Variants in SPOCK1 observed in about 807,000 individuals in gnomAD.
SPOCK1 encodes SPARC (osteonectin), cwcv and kazal like domains proteoglycan 1, also known as testican-1.
Under a neutral mutation model 55.3 loss-of-function variants are expected in SPOCK1, and 23 were observed. That is an observed-to-expected ratio of 0.42 (90% confidence interval 0.30 to 0.59). The LOEUF (loss-of-function observed/expected upper bound fraction) is 0.59. SPOCK1 is among the 20% of genes least tolerant of loss of function. The probability of loss-of-function intolerance (pLI) is 0.22; values close to 1 mark genes in which losing one functional copy is unlikely to be tolerated. For missense variants in SPOCK1, 499 were observed against 552.5 expected (o/e 0.90, Z 0.97); for synonymous variants, 226 against 221.0 (o/e 1.02, Z -0.20).
chr5:137,490,463 G>T (rs1196827405), intron 2 of SPOCK1, among the ~76,000 whole-genome samples: 1 of 152,182 alleles, frequency 6.6e-6, no homozygotes, highest in African/African-American at 2.4e-5. Flanking sequence ...TACAGAGCGT[G>T]CTGAGAACGC....
intron 2 of SPOCK1, among the ~76,000 whole-genome samples, chr5:137,340,653 G>T (rs1394150714): frequency 6.6e-6 from 1 of 152,158 alleles, no homozygotes; most frequent in Non-Finnish European, 1.5e-5. Context: ...GGCCGAGGTG[G>T]GTGGATCACT....
At chr5:137,479,261 T>C (rs1032140853) in intron 2 of SPOCK1, among the ~76,000 whole-genome samples, 2 of 152,166 alleles carry the variant, frequency 1.3e-5, no homozygotes, top group Admixed American at 6.5e-5. Context: ...TGAGAGAAGA[T>C]GCAGCATTAG....
intron 3 of SPOCK1, among the ~76,000 whole-genome samples, chr5:137,148,990 T>A (rs1262209103): frequency 6.6e-6 from 1 of 152,024 alleles, no homozygotes; most frequent in Non-Finnish European, 1.5e-5. Context: ...AAAGACTTCC[T>A]GTGAAAAAAA....
rs550618424 is a variant in SPOCK1 at position 137,324,068 on chromosome 5, C to A, written c.187-57013G>T. On this transcript the variant is annotated intron_variant, in intron 2 of 10. Transcript: ENST00000394945. ...ATCTATAAAAGCCAAGAGGTGGAAA[C>A]CACACAAGTGTTCATCTATGGATGA... Among the ~76,000 whole-genome samples the A allele has an allele frequency of 5.3e-5, 8 of 152,004 alleles. No individual in the cohort carries two copies. The East Asian group carries it at 1.6e-3, about 29-fold the overall frequency.
intron 6 of SPOCK1, among the ~76,000 whole-genome samples, chr5:137,059,642 T>C (rs185394119): frequency 2.7e-4 from 41 of 151,972 alleles, no homozygotes; most frequent in African/African-American, 9.4e-4. Flanking sequence ...CAAAAGAGAG[T>C]AAATAGACAT....
intron 6 of SPOCK1, among the ~76,000 whole-genome samples, chr5:137,005,922 A>G (rs1488447213): frequency 1.3e-5 from 2 of 152,212 alleles, no homozygotes; most frequent in African/African-American, 4.8e-5. Flanking sequence ...GGAAAAAGGG[A>G]CCGAGAACGG....
At chr5:137,022,266 G>C (rs1188201965) in intron 6 of SPOCK1, among the ~76,000 whole-genome samples, 1 of 152,096 alleles carries the variant, frequency 6.6e-6, no homozygotes, top group African/African-American at 2.4e-5. Context: ...CCACAAGTGG[G>C]TGTTCCAGCC....
chr5:137,417,074 C>T (rs1053679965), intron 2 of SPOCK1, among the ~76,000 whole-genome samples: 3 of 151,996 alleles, frequency 2.0e-5, no homozygotes, highest in Non-Finnish European at 4.4e-5. Context: ...TATATGTGTA[C>T]ATGAATGTTT....
intron 2 of SPOCK1, among the ~76,000 whole-genome samples, chr5:137,464,384 C>T (rs1163472157): frequency 3.3e-5 from 5 of 151,948 alleles, no homozygotes; most frequent in Admixed American, 1.3e-4. Flanking sequence ...ACATTGCATT[C>T]CTGTATTAAC....
chr5:137,013,448 A>T (rs1277800217), intron 6 of SPOCK1, among the ~76,000 whole-genome samples: 2 of 152,166 alleles, frequency 1.3e-5, no homozygotes, highest in Non-Finnish European at 2.9e-5. Context: ...GTTTATTTAA[A>T]TTTGCTTAAC....
chr5:137,007,198 A>T (rs1244979917), intron 6 of SPOCK1, among the ~76,000 whole-genome samples: 1 of 152,196 alleles, frequency 6.6e-6, no homozygotes, highest in Non-Finnish European at 1.5e-5. Context: ...CTAGAATAAA[A>T]CCTAGGCAAT....
intron 3 of SPOCK1, among the ~76,000 whole-genome samples, chr5:137,146,400 G>A (rs990768633): frequency 1.3e-5 from 2 of 152,162 alleles, no homozygotes; most frequent in Non-Finnish European, 2.9e-5. Context: ...GAGGCCACTC[G>A]ATTTGCAAAA....
rs147201621 is a variant in SPOCK1 at position 137,262,231 on chromosome 5, C to A, written c.232+4779G>T. 3.8e-4 allele frequency among the ~76,000 whole-genome samples: 58 copies of A among 152,314 alleles called. 1 individual carries two copies. The East Asian group carries it at 0.01, about 27-fold the overall frequency. Reference sequence around the variant, plus strand: ...TATCTTTCATTCCCCTCCAGACCCTCATCAAGTCATCTCACTTAAAGGCAA... The same window carrying A: ...TATCTTTCATTCCCCTCCAGACCCTAATCAAGTCATCTCACTTAAAGGCAA... On this transcript the variant is annotated intron_variant, in intron 3 of 10. Transcript: ENST00000394945.
At chr5:137,065,453 C>T (rs1580732523) in intron 6 of SPOCK1, among the ~76,000 whole-genome samples, 3 of 152,100 alleles carry the variant, frequency 2.0e-5, no homozygotes, top group African/African-American at 7.2e-5. Context: ...TGGAAAGAAT[C>T]GTACCAAGTT....
intron 2 of SPOCK1, among the ~76,000 whole-genome samples, chr5:137,325,507 AAACT>A (rs1758058872): frequency 1.3e-5 from 2 of 152,196 alleles, no homozygotes; most frequent in Admixed American, 1.3e-4. Context: ...TGCTTCCTAA[AAACT>A]AACAGCCCAG....
chr5:137,092,865 G>GCTT (rs1753075692), intron 5 of SPOCK1, among the ~76,000 whole-genome samples: 1 of 152,174 alleles, frequency 6.6e-6, no homozygotes, highest in Admixed American at 6.5e-5. Context: ...AGTCACGGAG[G>GCTT]CTGAGAAGTC....
chr5:137,153,156 C>A (rs1754350756), intron 3 of SPOCK1, among the ~76,000 whole-genome samples: 1 of 152,180 alleles, frequency 6.6e-6, no homozygotes, highest in Non-Finnish European at 1.5e-5. Context: ...AGGCCAGGGG[C>A]CAAGTTTTGC....
At chr5:137,040,550 G>A (rs1028219364) in intron 6 of SPOCK1, among the ~76,000 whole-genome samples, 1 of 152,224 alleles carries the variant, frequency 6.6e-6, no homozygotes, top group Non-Finnish European at 1.5e-5. Context: ...TTTGCCATAT[G>A]ACAGACCATA....
intron 2 of SPOCK1, among the ~76,000 whole-genome samples, chr5:137,405,607 C>T (rs541545632): frequency 3.3e-5 from 5 of 152,138 alleles, no homozygotes; most frequent in African/African-American, 9.7e-5. Context: ...TTCTCCTTCC[C>T]GAGTCCATCT....
Sources: allele counts gnomAD v4.1 joint callset (sites outside exome capture counted in the v4.1 genomes callset), GRCh38; gene constraint gnomAD v4.1.1; transcripts MANE v1.5; gene names NCBI Gene and HGNC (gene_info 2026-07-23, HGNC 2026-07-21).